Variants in BACH1 observed in about 807,000 individuals in gnomAD.
BACH1 encodes transcription regulator protein BACH1.
Under a neutral mutation model 52.9 loss-of-function variants are expected in BACH1, and 35 were observed. The observed-to-expected ratio is 0.66, with a 90% confidence interval of 0.51 to 0.88. The LOEUF is 0.88. Among genes scored for constraint, BACH1 ranks in the 40% least tolerant of loss-of-function variants. The probability of loss-of-function intolerance (pLI) is 0.00; values close to 1 mark genes in which losing one functional copy is unlikely to be tolerated. For missense variants in BACH1, 808 were observed against 872.6 expected, an observed-to-expected ratio of 0.93 and a Z score of 0.93; for synonymous variants, 321 against 319.6, an observed-to-expected ratio of 1.00 and a Z score of -0.05.
chr21:29,359,030 C>T (rs1055498558), intron 2 of BACH1: 1 of 151,752 alleles, frequency 6.6e-6, no homozygotes, highest in African/African-American at 2.4e-5. Context: ...GCCAAGGAAT[C>T]CATCCTGAAG....
rs528806832 is a variant in BACH1, at chr21:29,342,942, A to T, written c.*109A>T. 1 of 1,115,226 alleles carries T rather than the reference A, an allele frequency of 9.0e-7. No homozygotes were observed. Among genetic ancestry groups the T allele is most frequent in the African/African-American group, 1.6e-5 (1 of 63,938 alleles). The allele number at this position is 1,115,226 out of a possible 1,614,324, so 69.1% of individuals were successfully genotyped here. Reference sequence around the variant, plus strand: ...CTCAACAATACTGTTTTTTTCCTTTAGTAGTTTACCATAAGGGAATTTCCT... The same window carrying T: ...CTCAACAATACTGTTTTTTTCCTTTTGTAGTTTACCATAAGGGAATTTCCT... On this transcript the variant is annotated 3_prime_UTR_variant, in exon 5 of 5. Coordinates refer to ENST00000286800, the MANE Select transcript of BACH1 (RefSeq NM_001186.4).
In BACH1 at chr21:29,327,735, C is replaced by T. The variant is rs1007671357; in HGVS notation, c.1569+342C>T. On this transcript the variant is annotated intron_variant, in intron 3 of 4. Coordinates refer to ENST00000286800, the MANE Select transcript of BACH1 (RefSeq NM_001186.4). Reference sequence around the variant, plus strand: ...ACTCGAGAGGCTGAGGCAGGAGAAGCGCTTGAATGTGGGAGGCGGAGGTTG... The same window carrying T: ...ACTCGAGAGGCTGAGGCAGGAGAAGTGCTTGAATGTGGGAGGCGGAGGTTG... 5.9e-5 allele frequency among the ~76,000 whole-genome samples: 9 copies of T among 152,086 alleles called. No homozygotes were observed. In the South Asian group the frequency reaches 8.3e-4, roughly 14 times the overall value.
intron 1 of BACH1, among the ~76,000 whole-genome samples, chr21:29,311,392 G>A (rs1010442629): frequency 4.6e-5 from 7 of 151,942 alleles, no homozygotes; most frequent in African/African-American, 1.7e-4. Context: ...TTAAGTTTGT[G>A]TTTTTAGTCA....
In BACH1 at chr21:29,315,389, A is replaced by T. The variant is rs537936941; in HGVS notation, c.-60-5832A>T. Among the ~76,000 whole-genome samples, 14 of 152,290 alleles carry T rather than the reference A, an allele frequency of 9.2e-5. No individual in the cohort carries two copies. The South Asian group carries it at 2.9e-3, about 32-fold the overall frequency. On this transcript the variant is annotated intron_variant, in intron 1 of 4. Transcript: ENST00000286800. Reference sequence around the variant, plus strand: ...AATTTCCCTGTCTTCTGAGCCATTGAATACCCTGCCCTGAAATTGAGTGAG... The same window carrying T: ...AATTTCCCTGTCTTCTGAGCCATTGTATACCCTGCCCTGAAATTGAGTGAG...
chr21:29,324,008 T>C (rs1486515323), intron 2 of BACH1, among the ~76,000 whole-genome samples: 1 of 152,012 alleles, frequency 6.6e-6, no homozygotes, highest in African/African-American at 2.4e-5. Flanking sequence ...TCCCAGCACT[T>C]TGGGAGGGCG....
At chr21:29,339,211 A>G (rs1275152739) in intron 4 of BACH1, among the ~76,000 whole-genome samples, 2 of 152,162 alleles carry the variant, frequency 1.3e-5, no homozygotes, top group African/African-American at 4.8e-5. Context: ...CCTCCTTAGG[A>G]ATTGTCATAT....
intron 2 of BACH1, among the ~76,000 whole-genome samples, chr21:29,323,306 G>T (rs527726930): frequency 1.3e-5 from 2 of 152,228 alleles, no homozygotes; most frequent in African/African-American, 4.8e-5. Flanking sequence ...GAGGAAGGAA[G>T]CTAGTAGTGG....
At chr21:29,356,156 A>C (rs956740515) in intron 2 of BACH1, among the ~76,000 whole-genome samples, 1 of 152,188 alleles carries the variant, frequency 6.6e-6, no homozygotes, top group Non-Finnish European at 1.5e-5. Flanking sequence ...GCCATTCCTA[A>C]CCCTATTAAG....
rs116727521 is a variant in BACH1, at chr21:29,321,260, C to T, written c.-21C>T. The stretch of plus-strand genomic sequence containing the variant: ...GAAGCATGCTTTCCACTGAACTTCC[C>T]GACAACATTTGTTATGCAGAATGTC... On this transcript the variant is annotated 5_prime_UTR_variant, in exon 2 of 5. Transcript: ENST00000286800. The T allele has an allele frequency of 1.3e-3, 2,053 of 1,589,836 alleles. 18 individuals carry two copies. The African/African-American group carries it at 0.025, about 19-fold the overall frequency.
chr21:29,299,837 A>C (rs2088583078), intron 1 of BACH1: 1 of 152,230 alleles, frequency 6.6e-6, no homozygotes, highest in Non-Finnish European at 1.5e-5. Context: ...TGGAGGAACA[A>C]AGAATGTTTT....
At chr21:29,359,099 C>T (rs1280132276) in intron 2 of BACH1, 1 of 151,960 alleles carries the variant, frequency 6.6e-6, no homozygotes, top group Admixed American at 6.6e-5. Flanking sequence ...ATAAAAATTT[C>T]TTCTTATATC....
intron 1 of BACH1, among the ~76,000 whole-genome samples, chr21:29,310,435 AT>A (rs2088707679): frequency 6.6e-6 from 1 of 152,220 alleles, no homozygotes; most frequent in South Asian, 2.1e-4. Context: ...GGCAACCAAG[AT>A]TTCTGGACAT....
chr21:29,342,667 C>T lies in BACH1; in HGVS notation c.2045C>T (p.Pro682Leu), dbSNP rs866586470. The change falls in exon 5 of 5, where the codon CCC becomes CTC. Residue 682 changes from proline (P) to leucine (L), a missense_variant. Physicochemically the swap from Pro to Leu is moderately conservative, Grantham distance 98 (BLOSUM62 -3). Transcript: ENST00000286800. Reference sequence around the variant, plus strand: ...GACCGGCCTCCAGCAGTGCTGCCTCCCTGTGCCAGAGGAAACAGTGAGCCT... The same window carrying T: ...GACCGGCCTCCAGCAGTGCTGCCTCTCTGTGCCAGAGGAAACAGTGAGCCT... The part of the protein sequence containing the change: ...LSDRPPAVLP[P>L]CARGNSEPGY... The T allele has an allele frequency of 1.2e-6, 2 of 1,614,224 alleles. No individual in the cohort carries two copies. The highest frequency in any genetic ancestry group is 1.1e-5 in the South Asian group (1 of 91,086).
chr21:29,321,698 G>A (rs771684161), intron 2 of BACH1, among the ~76,000 whole-genome samples, 184 bp downstream of exon 2: 8 of 146,080 alleles, frequency 5.5e-5, no homozygotes, highest in Non-Finnish European at 1.2e-4. Context: ...TTTGAATGTT[G>A]GTTAACATTA....
At chr21:29,302,656 C>G (rs923060815) in intron 1 of BACH1, among the ~76,000 whole-genome samples, 1 of 152,174 alleles carries the variant, frequency 6.6e-6, no homozygotes, top group African/African-American at 2.4e-5. Context: ...GTGGTTAGAA[C>G]AGTGCCAGCT....
At chr21:29,346,624 A>C (rs1384234726), downstream of BACH1, among the ~76,000 whole-genome samples, 1 of 152,132 alleles carries the variant, frequency 6.6e-6, no homozygotes, top group Admixed American at 6.5e-5. Context: ...GGGGCAGGGT[A>C]TAGGATATGG....
chr21:29,359,434 A>T (rs1482899734), intron 2 of BACH1: 1 of 150,296 alleles, frequency 6.7e-6, no homozygotes, highest in African/African-American at 2.5e-5. Flanking sequence ...CTCTCTGTGA[A>T]TAAAAAAAAT....
rs768241664 is a variant in BACH1, at chr21:29,342,396, C to T, written c.1777-3C>T. On this transcript the variant is annotated splice_region_variant and splice_polypyrimidine_tract_variant and intron_variant, in intron 4 of 4. Transcript: ENST00000286800. ...CATTGTGTTCTCTTTCCCCACTTCA[C>T]AGCAAAGTGAAAAGGAGAGCTTGTT... The T allele has an allele frequency of 1.4e-5, 23 of 1,610,054 alleles. No homozygotes were observed. The Middle Eastern group carries it at 5.0e-4, about 35-fold the overall frequency.
chr21:29,320,908 A>G (rs1181730332), intron 1 of BACH1, among the ~76,000 whole-genome samples: 2 of 152,108 alleles, frequency 1.3e-5, no homozygotes, highest in African/African-American at 4.8e-5. Context: ...GCCACCAGAA[A>G]TTCCCTGCTC....
Sources: gnomAD v4.1 joint callset for allele counts (sites outside exome capture counted in the v4.1 genomes callset) on GRCh38, gnomAD v4.1.1 for gene constraint, MANE v1.5 for transcripts, NCBI Gene and HGNC (gene_info 2026-07-23, HGNC 2026-07-21) for gene names.